The following EPHA5 variants were observed in gnomAD, a reference collection of about 807,000 sequenced individuals.
The protein encoded by EPHA5 is EPH receptor A5.
In EPHA5, 60 loss-of-function variants were observed where a neutral mutation model predicts 105.0. The ratio of observed to expected loss-of-function variants is 0.57; its 90% CI spans 0.46 to 0.71. The LOEUF (loss-of-function observed/expected upper bound fraction) is 0.71. Ranked by LOEUF, EPHA5 falls within the 30% of genes least tolerant of loss-of-function variation. The pLI is 0.00. For missense variants in EPHA5, 1,218 were observed against 1,274.7 expected, an observed-to-expected ratio of 0.96 and a Z score of 0.68; for synonymous variants, 513 against 449.1, an observed-to-expected ratio of 1.14 and a Z score of -1.80.
intron 5 of EPHA5, among the ~76,000 whole-genome samples, chr4:65,435,242 G>A (rs775123652): frequency 7.2e-5 from 11 of 152,022 alleles, no homozygotes; most frequent in African/African-American, 1.2e-4. Context: ...TGTAATAGGC[G>A]TCTTGGATCA....
intron 6 of EPHA5, among the ~76,000 whole-genome samples, chr4:65,418,860 C>G (rs1241828562): frequency 1.3e-5 from 1 of 79,810 alleles, no homozygotes; most frequent in Non-Finnish European, 2.4e-5. Context: ...CTTACCTAAA[C>G]TCTTTTTTTT....
chr4:65,562,328 G>A (rs1739093025), intron 3 of EPHA5, among the ~76,000 whole-genome samples: 1 of 151,780 alleles, frequency 6.6e-6, no homozygotes, highest in African/African-American at 2.4e-5. Context: ...AACTTTTAAG[G>A]CCATGCTTCT....
intron 11 of EPHA5, among the ~76,000 whole-genome samples, chr4:65,362,124 T>C (rs145513354): frequency 6.6e-6 from 1 of 151,578 alleles, no homozygotes; most frequent in Non-Finnish European, 1.5e-5. Flanking sequence ...TTTATGATGG[T>C]TGCTGTTTAA....
intron 8 of EPHA5, among the ~76,000 whole-genome samples, chr4:65,368,104 T>A (rs1239886319): frequency 1.3e-5 from 2 of 152,074 alleles, no homozygotes; most frequent in Non-Finnish European, 2.9e-5. Context: ...AAATACAATC[T>A]TAGTTTTTCA....
At chr4:65,509,108 A>G (rs1037375693) in intron 3 of EPHA5, among the ~76,000 whole-genome samples, 10 of 152,116 alleles carry the variant, frequency 6.6e-5, no homozygotes, top group African/African-American at 2.4e-4. Flanking sequence ...ATTTGCCATT[A>G]ATTTTCAGTG....
chr4:65,513,875 T>C (rs1429053228), intron 3 of EPHA5, among the ~76,000 whole-genome samples: 1 of 152,180 alleles, frequency 6.6e-6, no homozygotes, highest in African/African-American at 2.4e-5. Context: ...TGTTATCCCT[T>C]ACCTATTGAA....
chr4:65,533,913 A>G (rs1205719054), intron 3 of EPHA5, among the ~76,000 whole-genome samples: 2 of 151,662 alleles, frequency 1.3e-5, no homozygotes, highest in Admixed American at 6.6e-5. Flanking sequence ...AGCCTGGGTG[A>G]CAGAGTGAGA....
intron 2 of EPHA5, among the ~76,000 whole-genome samples, chr4:65,629,691 GT>G (rs1295510913): frequency 6.6e-6 from 1 of 152,102 alleles, no homozygotes. Flanking sequence ...GTCCCAGATA[GT>G]TTTTTGATAC....
intron 1 of EPHA5, among the ~76,000 whole-genome samples, chr4:65,662,532 G>C (rs765962447): frequency 6.6e-6 from 1 of 151,864 alleles, no homozygotes; most frequent in African/African-American, 2.4e-5. Flanking sequence ...ACAAGTGTTT[G>C]GCATAACTCA....
intron 5 of EPHA5, among the ~76,000 whole-genome samples, chr4:65,474,816 C>T (rs1729635767): frequency 6.6e-6 from 1 of 152,120 alleles, no homozygotes; most frequent in African/African-American, 2.4e-5. Context: ...TATTTCTTTA[C>T]TCATTTCATT....
At chr4:65,637,085 A>C (rs1330807568) in intron 2 of EPHA5, among the ~76,000 whole-genome samples, 2 of 152,096 alleles carry the variant, frequency 1.3e-5, no homozygotes, top group Non-Finnish European at 2.9e-5. Flanking sequence ...ATACACACAC[A>C]AACACACACA....
At chr4:65,555,582 T>C (rs548061270) in intron 3 of EPHA5, among the ~76,000 whole-genome samples, 1 of 152,106 alleles carries the variant, frequency 6.6e-6, no homozygotes, top group Non-Finnish European at 1.5e-5. Context: ...CATCTTCTGT[T>C]TTCTCCAAAG....
intron 5 of EPHA5, among the ~76,000 whole-genome samples, chr4:65,438,855 A>G (rs1725744512): frequency 6.6e-6 from 1 of 152,162 alleles, no homozygotes; most frequent in South Asian, 2.1e-4. Context: ...CTATAAGATA[A>G]TATAATGTGT....
At chr4:65,573,665 C>G (rs4406063) in intron 3 of EPHA5, 2 of 1,600,888 alleles carry the variant, frequency 1.2e-6, no homozygotes, top group African/African-American at 2.7e-5. Context: ...AGGCCATGTA[C>G]AAGAGGAAGT....
chr4:65,586,784 C>A (rs78180497), intron 3 of EPHA5, among the ~76,000 whole-genome samples: 3 of 151,824 alleles, frequency 2.0e-5, no homozygotes, highest in African/African-American at 7.3e-5. Flanking sequence ...ATAAAAACAA[C>A]AGTATATATC....
intron 3 of EPHA5, among the ~76,000 whole-genome samples, chr4:65,592,472 A>C (rs1254038963): frequency 6.6e-6 from 1 of 152,116 alleles, no homozygotes; most frequent in Non-Finnish European, 1.5e-5. Context: ...AAACTTTAAA[A>C]AGCTGGCTAC....
At chr4:65,366,706 G>T (rs964436566) in intron 9 of EPHA5, among the ~76,000 whole-genome samples, 1 of 151,846 alleles carries the variant, frequency 6.6e-6, no homozygotes, top group Non-Finnish European at 1.5e-5. Flanking sequence ...ATGAGTTATG[G>T]CTTTAATGAT....
intron 3 of EPHA5, among the ~76,000 whole-genome samples, chr4:65,510,209 T>C (rs201463545): frequency 6.8e-6 from 1 of 146,336 alleles, no homozygotes; most frequent in Non-Finnish European, 1.5e-5. Context: ...TAATTTTGTG[T>C]TTTTTTTTTT....
At chr4:65,482,630 C>T (rs1343110457) in intron 5 of EPHA5, among the ~76,000 whole-genome samples, 2 of 152,042 alleles carry the variant, frequency 1.3e-5, no homozygotes, top group Non-Finnish European at 2.9e-5. Flanking sequence ...GCAATGACAT[C>T]AAGGTCTGGG....
Sources: allele counts gnomAD v4.1 joint callset (sites outside exome capture counted in the v4.1 genomes callset), GRCh38; gene constraint gnomAD v4.1.1; transcripts MANE v1.5; gene names NCBI Gene and HGNC (gene_info 2026-07-23, HGNC 2026-07-21).